The following KIF13B variants were observed in gnomAD, a reference collection of about 807,000 sequenced individuals.
KIF13B encodes the protein kinesin-like protein KIF13B.
Under a neutral mutation model 222.0 loss-of-function variants are expected in KIF13B, and 127 were observed. The observed-to-expected ratio is 0.57, with a 90% CI of 0.50 to 0.66. KIF13B has a LOEUF of 0.66. Ranked by LOEUF, KIF13B falls within the 30% of genes least tolerant of loss-of-function variation. The pLI, the probability that KIF13B is intolerant of heterozygous loss-of-function variation, is 0.00. For synonymous variants in KIF13B, 976 were observed against 919.0 expected (o/e 1.06, Z -1.12); for missense variants, 2,173 against 2,379.0 (o/e 0.91, Z 1.80).
Position 29,167,426 on chromosome 8 carries a change from G to A in KIF13B, c.1105C>T (p.Arg369Trp), listed in dbSNP as rs117139027. ...TTCTCAACTTCTTCCCGGAGATCCC[G>A]GATAATTCGGGCATTAGGGTCCTCA... is the stretch of plus-strand genomic sequence containing the variant. Reference protein sequence around the residue: ...VNEDPNARIIRDLREEVEKLR... With the variant: ...VNEDPNARIIWDLREEVEKLR... The change falls in exon 11 of 40, where the codon CGG (arginine) becomes TGG (tryptophan). Residue 369 changes from arginine (R) to tryptophan (W), a missense_variant. By Grantham distance (101) the Arg-to-Trp change is moderately radical. Coordinates refer to ENST00000524189, the MANE Select transcript of KIF13B (RefSeq NM_015254.4). 0.016 allele frequency: 25,492 copies of A among 1,613,708 alleles called. 246 individuals are homozygous for A. Among genetic ancestry groups the A allele is most frequent in the Middle Eastern group, 0.032 (190 of 5,940 alleles).
In KIF13B at chr8:29,134,165, A is replaced by C. The variant is rs1307965845; in HGVS notation, c.2659T>G (p.Phe887Val). 1 of 1,614,034 alleles carries C rather than the reference A, an allele frequency of 6.2e-7. No individual in the cohort carries two copies. The highest frequency in any genetic ancestry group is 2.2e-5 in the East Asian group (1 of 44,890). The change falls in exon 22 of 40, where the codon TTT becomes GTT. Residue 887 changes from phenylalanine to valine, a missense_variant. By Grantham distance (50) the Phe-to-Val change is conservative. Around this residue, in one of 2 missense-constraint regions of KIF13B, gnomAD observed 1,480 missense variants for 1,722.8 expected, o/e 0.86. Transcript: ENST00000524189. ...CAGAAGCTGTATTTGCAGAACACAA[A>C]GTGGGACAGATGCTGTGGCAACCCA... ...ATGLPQHLSH[F>V]VFCKYSFWDQ... is the part of the protein sequence containing the mutation.
At chr8:29,220,249 C>T (rs1291079842) in intron 2 of KIF13B, among the ~76,000 whole-genome samples, 2 of 152,156 alleles carry the variant, frequency 1.3e-5, no homozygotes, top group Non-Finnish European at 2.9e-5. Flanking sequence ...TAATGTACTA[C>T]CCAATGTGTC....
rs377172231 is a variant in KIF13B, at chr8:29,185,709, G to A, written c.497+583C>T. Among the ~76,000 whole-genome samples the A allele has an allele frequency of 3.9e-5, 6 of 152,282 alleles. No homozygotes were observed. The South Asian group carries it at 8.3e-4, about 21-fold the overall frequency. On this transcript the variant is annotated intron_variant, in intron 6 of 39. Transcript: ENST00000524189. ...TCCTGCAAACTTTCTGTAGGCCTCA[G>A]CTTATTTGGCTCTTTGACCTTCCTA...
At chr8:29,143,649 C>T (rs1810918712) in intron 18 of KIF13B, among the ~76,000 whole-genome samples, 1 of 152,134 alleles carries the variant, frequency 6.6e-6, no homozygotes, top group African/African-American at 2.4e-5. Flanking sequence ...AGTTTGAGAC[C>T]AGCCTGGCCA....
At chr8:29,150,870 G>A (rs979867410) in intron 14 of KIF13B, among the ~76,000 whole-genome samples, 2 of 151,990 alleles carry the variant, frequency 1.3e-5, no homozygotes, top group African/African-American at 4.8e-5. Flanking sequence ...CAACCATATT[G>A]AAATTAGGCT....
chr8:29,119,282 G>A (rs1000553640), intron 29 of KIF13B, among the ~76,000 whole-genome samples: 3 of 152,208 alleles, frequency 2.0e-5, no homozygotes, highest in Non-Finnish European at 4.4e-5. Context: ...TCTCATCAAT[G>A]TCAGTGACCG....
At chr8:29,128,492 G>C (rs780704326) in intron 24 of KIF13B, among the ~76,000 whole-genome samples, 1 of 152,148 alleles carries the variant, frequency 6.6e-6, no homozygotes, top group African/African-American at 2.4e-5. Flanking sequence ...TATCACCAAG[G>C]ACTAAGCCTC....
At chr8:29,096,323 A>G (rs1375150318) in intron 36 of KIF13B, among the ~76,000 whole-genome samples, 3 of 123,842 alleles carry the variant, frequency 2.4e-5, no homozygotes, top group African/African-American at 9.0e-5. Context: ...TTTTTGAGAA[A>G]GGATCTCACT....
chr8:29,185,675 C>T (rs6993127), intron 6 of KIF13B, among the ~76,000 whole-genome samples: 7,173 of 152,276 alleles, frequency 0.047, 359 homozygotes, highest in African/African-American at 0.12. Context: ...ACTAAATGTC[C>T]TCCTGTTGTC....
intron 3 of KIF13B, among the ~76,000 whole-genome samples, chr8:29,193,052 C>G (rs1412656872): frequency 2.0e-5 from 3 of 152,082 alleles, no homozygotes; most frequent in African/African-American, 4.8e-5. Flanking sequence ...GGCTCAGCAC[C>G]TCTGGACAGG....
chr8:29,262,683 G>A (rs571490505), intron 1 of KIF13B, among the ~76,000 whole-genome samples: 98 of 151,468 alleles, frequency 6.5e-4, no homozygotes, highest in African/African-American at 2.2e-3. Context: ...AACCTCCGGG[G>A]GAGACGAGAG....
At chr8:29,209,864 C>T (rs1402345400) in intron 2 of KIF13B, among the ~76,000 whole-genome samples, 1 of 127,026 alleles carries the variant, frequency 7.9e-6, no homozygotes, top group Non-Finnish European at 1.6e-5. Flanking sequence ...CCAGTCTGGG[C>T]AGTGAGACCC....
At chr8:29,137,819 C>T (rs184805074) in intron 21 of KIF13B, among the ~76,000 whole-genome samples, 58 of 152,154 alleles carry the variant, frequency 3.8e-4, no homozygotes, top group African/African-American at 1.2e-3. Context: ...TTCATCACAC[C>T]GGAAAACAAG....
At chr8:29,246,889 A>G (rs950744550) in intron 1 of KIF13B, among the ~76,000 whole-genome samples, 7 of 152,250 alleles carry the variant, frequency 4.6e-5, no homozygotes, top group Non-Finnish European at 1.0e-4. Flanking sequence ...GACACTGGAT[A>G]TCCACAGGCA....
At chr8:29,211,866 T>A (rs1453144471) in intron 2 of KIF13B, among the ~76,000 whole-genome samples, 1 of 152,236 alleles carries the variant, frequency 6.6e-6, no homozygotes, top group Non-Finnish European at 1.5e-5. Context: ...ACATATACAT[T>A]TTTTTCTTAG....
At chr8:29,112,319 G>C (rs1481490068) in intron 32 of KIF13B, among the ~76,000 whole-genome samples, 1 of 151,146 alleles carries the variant, frequency 6.6e-6, no homozygotes, top group Non-Finnish European at 1.5e-5. Flanking sequence ...TGTAATCCCA[G>C]CTACTAGGGA....
intron 38 of KIF13B, among the ~76,000 whole-genome samples, chr8:29,075,053 A>C (rs1279694367): frequency 2.6e-5 from 4 of 152,260 alleles, no homozygotes; most frequent in Non-Finnish European, 5.9e-5. Flanking sequence ...AGCAGACTAC[A>C]TTAGCAGTCA....
chr8:29,190,248 T>G (rs118192065), intron 4 of KIF13B: 2,505 of 152,356 alleles, frequency 0.016, 26 homozygotes, highest in Middle Eastern at 0.027. Context: ...CCAAGAAAAG[T>G]CTGAACAGAC....
At chr8:29,203,460 G>T (rs902198674) in intron 2 of KIF13B, among the ~76,000 whole-genome samples, 1 of 152,056 alleles carries the variant, frequency 6.6e-6, no homozygotes, top group Non-Finnish European at 1.5e-5. Flanking sequence ...TGTTACTCTC[G>T]AAGAAGTATT....
Sources: gnomAD v4.1 joint callset for allele counts (sites outside exome capture counted in the v4.1 genomes callset) on GRCh38, gnomAD v4.1.1 for gene constraint, gnomAD v4.1.1 regional missense constraint, MANE v1.5 for transcripts, NCBI Gene and HGNC (gene_info 2026-07-23, HGNC 2026-07-21) for gene names.